Variants in EEFSEC observed in about 807,000 individuals in gnomAD.
EEFSEC encodes eukaryotic elongation factor, selenocysteine-tRNA specific.
Under a neutral mutation model 42.1 loss-of-function variants are expected in EEFSEC, and 43 were observed. That is an observed-to-expected ratio of 1.02 (90% CI 0.80 to 1.32). EEFSEC has a LOEUF of 1.32. Ranked by LOEUF, EEFSEC falls within the 40% of genes most tolerant of loss-of-function variation. EEFSEC has a pLI of 0.00. For synonymous variants in EEFSEC, 354 were observed against 339.1 expected (o/e 1.04, Z -0.48); for missense variants, 745 against 803.6 (o/e 0.93, Z 0.88).
chr3:128,307,069 C>T (rs1185228082), intron 4 of EEFSEC, among the ~76,000 whole-genome samples: 1 of 152,256 alleles, frequency 6.6e-6, no homozygotes, highest in Non-Finnish European at 1.5e-5. Context: ...TAGCAGTCTT[C>T]TCACCAGTAC....
chr3:128,175,802 C>G (rs2065342455), intron 1 of EEFSEC, among the ~76,000 whole-genome samples: 1 of 152,190 alleles, frequency 6.6e-6, no homozygotes, highest in Admixed American at 6.5e-5. Flanking sequence ...GCAGGTAGGC[C>G]TCAGCGTGGG....
At chr3:128,388,179 T>G (rs926301845) in intron 6 of EEFSEC, among the ~76,000 whole-genome samples, 3 of 151,978 alleles carry the variant, frequency 2.0e-5, no homozygotes, top group Non-Finnish European at 4.4e-5. Flanking sequence ...GCTCTTAGAG[T>G]CTTCCTTTTT....
At chr3:128,232,728 G>C (rs1231349367) in intron 1 of EEFSEC, among the ~76,000 whole-genome samples, 1 of 152,152 alleles carries the variant, frequency 6.6e-6, no homozygotes, top group East Asian at 1.9e-4. Context: ...GAGTTGTACT[G>C]TTGTGCAAAG....
intron 1 of EEFSEC, among the ~76,000 whole-genome samples, chr3:128,182,881 G>T (rs2065424171): frequency 1.9e-5 from 2 of 105,506 alleles, no homozygotes. Flanking sequence ...CAGAGATCGG[G>T]GCGGGGGGGT....
intron 1 of EEFSEC, among the ~76,000 whole-genome samples, chr3:128,236,089 C>T (rs542832888): frequency 2.2e-4 from 33 of 152,306 alleles, no homozygotes; most frequent in African/African-American, 5.1e-4. Context: ...CTCAGGCTCC[C>T]GAGTAGCTGG....
intron 5 of EEFSEC, among the ~76,000 whole-genome samples, chr3:128,351,498 C>T (rs139180038): frequency 1.4e-3 from 213 of 152,310 alleles, no homozygotes; most frequent in Non-Finnish European, 2.6e-3. Flanking sequence ...TCCTGTCCTG[C>T]GCACGTGGTT....
At chr3:128,172,356 T>C (rs1341828015) in intron 1 of EEFSEC, among the ~76,000 whole-genome samples, 3 of 152,244 alleles carry the variant, frequency 2.0e-5, no homozygotes, top group Admixed American at 2.0e-4. Context: ...CTGGCCTCTC[T>C]GAGCCTGTCT....
intron 1 of EEFSEC, among the ~76,000 whole-genome samples, chr3:128,202,204 T>A (rs2065650563): frequency 6.6e-6 from 1 of 152,200 alleles, no homozygotes; most frequent in South Asian, 2.1e-4. Context: ...TAGAAGCAGC[T>A]TTTCAATTTC....
In EEFSEC at chr3:128,317,668, G is replaced by A. The variant is rs2066961968; in HGVS notation, c.787-23565G>A. On this transcript the variant is annotated intron_variant, in intron 4 of 6. Transcript: ENST00000254730. The surrounding 1 kb of genome is among the most constrained non-coding windows in gnomAD (Gnocchi z 4.1). ...CGGCAGAGGAGAGTTCCAGCTCCTT[G>A]GCCTGACCCTCGGGCTTTGCACTGC... is the stretch of plus-strand genomic sequence containing the variant. Among the ~76,000 whole-genome samples, 1 of 152,214 alleles carries A rather than the reference G, an allele frequency of 6.6e-6. No individual in the cohort carries two copies. The highest frequency in any genetic ancestry group is 2.4e-5 in the African/African-American group (1 of 41,462).
intron 6 of EEFSEC, among the ~76,000 whole-genome samples, chr3:128,377,162 C>T (rs1056431527): frequency 6.6e-6 from 1 of 152,088 alleles, no homozygotes; most frequent in African/African-American, 2.4e-5. Context: ...TAGTTTCTTC[C>T]GTCTTTTCTC....
At chr3:128,366,966 G>A (rs751977871) in intron 6 of EEFSEC, among the ~76,000 whole-genome samples, 1 of 152,208 alleles carries the variant, frequency 6.6e-6, no homozygotes, top group Non-Finnish European at 1.5e-5. Flanking sequence ...TCTGGAGCCT[G>A]GAAGTCCAAG....
At chr3:128,386,219 G>C (rs1434892751) in intron 6 of EEFSEC, among the ~76,000 whole-genome samples, 1 of 152,158 alleles carries the variant, frequency 6.6e-6, no homozygotes, top group African/African-American at 2.4e-5. Flanking sequence ...GGGTGAAGTA[G>C]GGTTCAGGTG....
intron 1 of EEFSEC, among the ~76,000 whole-genome samples, chr3:128,217,465 A>T (rs1202906325): frequency 6.6e-6 from 1 of 152,110 alleles, no homozygotes; most frequent in Admixed American, 6.5e-5. Flanking sequence ...GACAGGAAAG[A>T]CAGGATCCTG....
chr3:128,247,190 G>A, intron 2 of EEFSEC, 147 bp downstream of exon 2: 1 of 835,782 alleles, frequency 1.2e-6, no homozygotes, highest in East Asian at 2.6e-5. Context: ...CTCACATAAG[G>A]GCTGCATTAA....
intron 1 of EEFSEC, among the ~76,000 whole-genome samples, chr3:128,179,647 A>G (rs1341692943): frequency 6.6e-6 from 1 of 152,250 alleles, no homozygotes; most frequent in African/African-American, 2.4e-5. Flanking sequence ...CTTGTCCCTC[A>G]GAGATGCAGT....
chr3:128,263,846 G>A (rs1017557804), intron 3 of EEFSEC, among the ~76,000 whole-genome samples: 10 of 152,194 alleles, frequency 6.6e-5, no homozygotes, highest in Non-Finnish European at 1.3e-4. Flanking sequence ...AGGCTGAGGC[G>A]TGTGGAGTCC....
chr3:128,424,305 A>G, the EEFSEC span, among the ~76,000 whole-genome samples: 5,917 of 152,214 alleles, frequency 0.039, 380 homozygotes, highest in African/African-American at 0.13. Context: ...GTGGGGTTCT[A>G]TGGTGGAATT....
chr3:128,408,743 C>T (rs572591666), downstream of EEFSEC: 117 of 153,558 alleles, frequency 7.6e-4, no homozygotes, highest in Non-Finnish European at 1.0e-3. Flanking sequence ...CTGCCCAGGT[C>T]GGGGCCAGGG....
chr3:128,313,954 T>C (rs76330164), intron 4 of EEFSEC, among the ~76,000 whole-genome samples: 2 of 152,294 alleles, frequency 1.3e-5, no homozygotes, highest in African/African-American at 4.8e-5. Flanking sequence ...AGCTTATGTA[T>C]CTCCCCCTGT....
Sources: gnomAD v4.1 joint callset for allele counts (sites outside exome capture counted in the v4.1 genomes callset) on GRCh38, gnomAD v4.1.1 for gene constraint, Gnocchi (gnomAD v3.1) non-coding constraint, MANE v1.5 for transcripts, NCBI Gene and HGNC (gene_info 2026-07-23, HGNC 2026-07-21) for gene names.